Variants in TCF12 observed in about 807,000 individuals in gnomAD.
The protein encoded by TCF12 is DNA-binding protein HTF4.
Under a neutral mutation model 86.0 loss-of-function variants are expected in TCF12, and 45 were observed. The observed-to-expected ratio is 0.52, with a 90% CI of 0.41 to 0.67. The LOEUF is 0.67. TCF12 is among the 30% of genes least tolerant of loss of function. TCF12 has a pLI of 0.00. For missense variants in TCF12, 881 were observed against 859.9 expected (o/e 1.02, Z -0.31); for synonymous variants, 330 against 299.6 (o/e 1.10, Z -1.05).
At chr15:57,069,653 T>C (rs2069195732) in intron 4 of TCF12, among the ~76,000 whole-genome samples, 1 of 152,228 alleles carries the variant, frequency 6.6e-6, no homozygotes, top group Non-Finnish European at 1.5e-5. Flanking sequence ...GGCTAGGCTA[T>C]GTGACTAGTT....
intron 5 of TCF12, among the ~76,000 whole-genome samples, chr15:57,123,048 A>G (rs1354885517): frequency 6.6e-6 from 1 of 152,216 alleles, no homozygotes; most frequent in Non-Finnish European, 1.5e-5. Context: ...AATTACCAAC[A>G]TTGAAGCAAA....
chr15:57,011,624 C>G (rs1274441653), intron 3 of TCF12, among the ~76,000 whole-genome samples: 1 of 152,102 alleles, frequency 6.6e-6, no homozygotes, highest in African/African-American at 2.4e-5. Context: ...AACAAAGACC[C>G]TTGTTCTTAC....
chr15:57,054,452 T>G (rs2067847967), intron 3 of TCF12, among the ~76,000 whole-genome samples: 1 of 152,192 alleles, frequency 6.6e-6, no homozygotes, highest in Non-Finnish European at 1.5e-5. Flanking sequence ...TAAGTCCATT[T>G]GTAATGTTTT....
chr15:57,045,632 A>G lies in TCF12; in HGVS notation c.149-18118A>G, dbSNP rs552430804. Reference sequence around the variant, plus strand: ...ATAATCATGGCTCACTGCAGCTTCTACCTCCTGGGCTCAAGCGATCCTCCC... The same window carrying G: ...ATAATCATGGCTCACTGCAGCTTCTGCCTCCTGGGCTCAAGCGATCCTCCC... On this transcript the variant is annotated intron_variant, in intron 3 of 20. Coordinates refer to ENST00000333725, the MANE Select transcript of TCF12 (RefSeq NM_207037.2). Among the ~76,000 whole-genome samples, 22 of 152,082 alleles carry G rather than the reference A, an allele frequency of 1.4e-4. No homozygotes were observed. The Middle Eastern group carries it at 0.014, about 94-fold the overall frequency.
intron 12 of TCF12, among the ~76,000 whole-genome samples, chr15:57,238,736 A>G (rs561099096): frequency 6.1e-4 from 93 of 152,348 alleles, no homozygotes; most frequent in Non-Finnish European, 7.9e-4. Context: ...TTTACAAGAT[A>G]CTGGCATACA....
At chr15:57,165,044 A>G (rs1277260369) in intron 5 of TCF12, among the ~76,000 whole-genome samples, 3 of 152,154 alleles carry the variant, frequency 2.0e-5, no homozygotes, top group Admixed American at 6.5e-5. Context: ...TCTGAGAATA[A>G]TAAGGCAATC....
intron 4 of TCF12, among the ~76,000 whole-genome samples, chr15:57,089,477 A>G (rs775742825): frequency 6.6e-6 from 1 of 152,220 alleles, no homozygotes; most frequent in African/African-American, 2.4e-5. Flanking sequence ...AAAAGACACT[A>G]CATGTAATCT....
chr15:57,095,278 T>A (rs552509329), intron 5 of TCF12, among the ~76,000 whole-genome samples: 3 of 152,174 alleles, frequency 2.0e-5, no homozygotes, highest in Non-Finnish European at 4.4e-5. Context: ...CAAGTAGCCT[T>A]GTCTGTCTCA....
chr15:57,136,973 T>G (rs1311360583), intron 5 of TCF12, among the ~76,000 whole-genome samples: 3 of 60,340 alleles, frequency 5.0e-5, no homozygotes, highest in African/African-American at 1.8e-4. Context: ...TTTTTTTGTT[T>G]TTTTTTTTTT....
chr15:57,012,175 T>C (rs1430264826), intron 3 of TCF12, among the ~76,000 whole-genome samples: 3 of 152,136 alleles, frequency 2.0e-5, no homozygotes, highest in South Asian at 2.1e-4. Context: ...AATTAAAATA[T>C]AAAAACCACA....
intron 3 of TCF12, among the ~76,000 whole-genome samples, chr15:56,952,182 G>C (rs1234674639): frequency 4.2e-5 from 1 of 24,096 alleles, no homozygotes; most frequent in Non-Finnish European, 7.5e-5. Context: ...AGGCTTTTTT[G>C]TGTATATACA....
In TCF12 at chr15:57,151,442, G is replaced by GCTT. The variant is rs1390378153; in HGVS notation, c.326-14957_326-14955dup. On this transcript the variant is annotated intron_variant, in intron 5 of 20. Coordinates refer to ENST00000333725, the MANE Select transcript of TCF12 (RefSeq NM_207037.2). ...CAAAATGAAGATCAGAGGACCTCCAGCTTCTATCTAGGGTGTGGAAAACTA... is the reference window on the plus strand; with the variant it reads ...CAAAATGAAGATCAGAGGACCTCCAGCTTCTTCTATCTAGGGTGTGGAAAACTA... Among the ~76,000 whole-genome samples, 3 of 152,200 alleles carry GCTT rather than the reference G, an allele frequency of 2.0e-5. No individual in the cohort carries two copies. In the East Asian group the frequency reaches 5.8e-4, roughly 29 times the overall value.
chr15:56,977,129 T>G (rs1411476460), intron 3 of TCF12, among the ~76,000 whole-genome samples: 1 of 152,168 alleles, frequency 6.6e-6, no homozygotes, highest in Non-Finnish European at 1.5e-5. Flanking sequence ...ATGGGTGACT[T>G]AAAATAACAA....
intron 3 of TCF12, among the ~76,000 whole-genome samples, chr15:56,921,380 A>G (rs2059784407): frequency 6.6e-6 from 1 of 152,040 alleles, no homozygotes; most frequent in African/African-American, 2.4e-5. Flanking sequence ...TAAGTATTAG[A>G]TGACTGAATC....
chr15:57,173,030 A>C (rs1411828310), intron 6 of TCF12, among the ~76,000 whole-genome samples: 1 of 152,094 alleles, frequency 6.6e-6, no homozygotes, highest in East Asian at 1.9e-4. Context: ...TCGAGGCTGC[A>C]GTGCGCTGTT....
At chr15:57,076,607 C>A (rs1196900421) in intron 4 of TCF12, among the ~76,000 whole-genome samples, 1 of 150,400 alleles carries the variant, frequency 6.6e-6, no homozygotes, top group Non-Finnish European at 1.5e-5. Context: ...GAGCCGAGAT[C>A]GCGCCACTGC....
intron 3 of TCF12, among the ~76,000 whole-genome samples, chr15:57,043,231 A>G (rs2067011948): frequency 6.6e-6 from 1 of 152,170 alleles, no homozygotes; most frequent in African/African-American, 2.4e-5. Flanking sequence ...TTGGCTATTC[A>G]TATTTCAATA....
intron 8 of TCF12, among the ~76,000 whole-genome samples, chr15:57,226,798 T>C (rs1336631646): frequency 6.6e-6 from 1 of 152,162 alleles, no homozygotes; most frequent in Non-Finnish European, 1.5e-5. Context: ...TAAATCTGCC[T>C]TGTTCAGTAT....
intron 19 of TCF12, among the ~76,000 whole-genome samples, chr15:57,281,996 A>G (rs542347736): frequency 2.0e-5 from 3 of 152,264 alleles, no homozygotes; most frequent in East Asian, 3.9e-4. Context: ...CTTTAGAGGA[A>G]TAGCTGAGGA....
Sources: gnomAD v4.1 joint callset for allele counts (sites outside exome capture counted in the v4.1 genomes callset) on GRCh38, gnomAD v4.1.1 for gene constraint, MANE v1.5 for transcripts, NCBI Gene and HGNC (gene_info 2026-07-23, HGNC 2026-07-21) for gene names.